ZNF536: variants seen among roughly 807,000 people sequenced by gnomAD.
The protein encoded by ZNF536 is zinc finger protein 536.
A neutral mutation model predicts 84.5 loss-of-function variants in ZNF536; 13 were observed. The ratio of observed to expected loss-of-function variants is 0.15; its 90% confidence interval spans 0.10 to 0.24. The LOEUF (loss-of-function observed/expected upper bound fraction) is 0.24, where lower values mean the gene tolerates loss of function less well. Among genes scored for constraint, ZNF536 ranks in the 10% least tolerant of loss-of-function variants. The probability of loss-of-function intolerance (pLI) is 1.00; values close to 1 mark genes in which losing one functional copy is unlikely to be tolerated. For missense variants in ZNF536, 1,536 were observed against 1,747.5 expected (o/e 0.88, Z 2.16); for synonymous variants, 811 against 742.5 (o/e 1.09, Z -1.50).
upstream of ZNF536, among the ~76,000 whole-genome samples, chr19:30,225,747 G>T (rs2022579383): frequency 7.0e-6 from 1 of 143,016 alleles, no homozygotes; most frequent in Non-Finnish European, 1.6e-5. Flanking sequence ...GGGCGGCGGC[G>T]GGTGGGGGGG....
intron 2 of ZNF536, among the ~76,000 whole-genome samples, chr19:30,308,752 C>G (rs1163131322): frequency 6.6e-6 from 1 of 152,130 alleles, no homozygotes; most frequent in East Asian, 1.9e-4. Flanking sequence ...ACTCTGTGGT[C>G]GCACAGAGCT....
At chr19:30,358,476 C>T (rs2048167938) in intron 3 of ZNF536, among the ~76,000 whole-genome samples, 1 of 152,236 alleles carries the variant, frequency 6.6e-6, no homozygotes, top group Admixed American at 6.5e-5. Context: ...CTCAGTAGCT[C>T]TCACAGCCCC....
intron 1 of ZNF536, among the ~76,000 whole-genome samples, chr19:30,660,060 G>A (rs1008238224): frequency 6.6e-6 from 1 of 152,128 alleles, no homozygotes; most frequent in Non-Finnish European, 1.5e-5. Flanking sequence ...AAAAGCCACA[G>A]ATAACTTGTC....
rs1265217907 is a variant in ZNF536 at position 30,503,158 on chromosome 19, T to TGCAC, written c.2171-31688_2171-31685dup. Reference sequence around the variant, plus strand: ...AATATTTCTAAGCAGCATGTGTGTATGCACACACACACACACACACACACA... The same window carrying TGCAC: ...AATATTTCTAAGCAGCATGTGTGTATGCACGCACACACACACACACACACACACA... On this transcript the variant is annotated intron_variant, in intron 2 of 4. Transcript: ENST00000355537. Among the ~76,000 whole-genome samples, 5 of 145,260 alleles carry TGCAC rather than the reference T, an allele frequency of 3.4e-5. No individual in the cohort carries two copies. In the East Asian group the frequency reaches 9.7e-4, roughly 28 times the overall value.
intron 2 of ZNF536, among the ~76,000 whole-genome samples, chr19:30,297,804 G>A (rs375685338): frequency 3.6e-4 from 54 of 151,990 alleles, no homozygotes; most frequent in African/African-American, 1.1e-3. Context: ...GAGCTTGGGC[G>A]CCAGGCAGCA....
At chr19:30,322,863 A>T (rs953674147) in intron 2 of ZNF536, among the ~76,000 whole-genome samples, 3 of 151,894 alleles carry the variant, frequency 2.0e-5, no homozygotes, top group African/African-American at 4.8e-5. Context: ...TTCCCACCTC[A>T]TGTGACTTCC....
intron 1 of ZNF536, among the ~76,000 whole-genome samples, chr19:30,380,812 C>T (rs1862626607): frequency 6.6e-6 from 1 of 151,962 alleles, no homozygotes; most frequent in South Asian, 2.1e-4. Context: ...CCCAGGTGCC[C>T]GATGCGTGTT....
At chr19:30,441,195 T>C (rs2052031166) in intron 1 of ZNF536, among the ~76,000 whole-genome samples, 1 of 152,216 alleles carries the variant, frequency 6.6e-6, no homozygotes, top group Non-Finnish European at 1.5e-5. Flanking sequence ...TGGATTCATG[T>C]CTTCTGAGCT....
chr19:30,670,703 C>G (rs1297531801), intron 1 of ZNF536, among the ~76,000 whole-genome samples: 1 of 152,224 alleles, frequency 6.6e-6, no homozygotes, highest in African/African-American at 2.4e-5. Context: ...CCTTCCTTCC[C>G]CAGAGACGCC....
At chr19:30,529,635 A>C (rs1249926088) in intron 2 of ZNF536, among the ~76,000 whole-genome samples, 1 of 152,164 alleles carries the variant, frequency 6.6e-6, no homozygotes. Context: ...AACATTGCTG[A>C]CCTTGAGAAG....
At chr19:30,479,309 G>A (rs780437878) in intron 2 of ZNF536, among the ~76,000 whole-genome samples, 2 of 152,144 alleles carry the variant, frequency 1.3e-5, no homozygotes, top group Non-Finnish European at 2.9e-5. Flanking sequence ...AGAGCACCAT[G>A]AGAATGGAGC....
chr19:30,512,061 T>C (rs1338276728), intron 2 of ZNF536, among the ~76,000 whole-genome samples: 1 of 152,222 alleles, frequency 6.6e-6, no homozygotes, highest in Admixed American at 6.5e-5. Context: ...AAAGCTTTTA[T>C]GGATATACAG....
At chr19:30,370,379 A>G (rs1183584608), upstream of ZNF536, among the ~76,000 whole-genome samples, 3 of 152,068 alleles carry the variant, frequency 2.0e-5, no homozygotes, top group Non-Finnish European at 2.9e-5. Context: ...TTGAACTAAA[A>G]CCCCAGGGTG....
intron 1 of ZNF536, among the ~76,000 whole-genome samples, chr19:30,673,488 G>T (rs371436170): frequency 1.3e-5 from 2 of 152,078 alleles, no homozygotes; most frequent in East Asian, 3.9e-4. Context: ...TTTTGTAGAC[G>T]GGTCTCCCGC....
At chr19:30,551,901 C>A (rs2045798454) in intron 4 of ZNF536, among the ~76,000 whole-genome samples, 1 of 152,194 alleles carries the variant, frequency 6.6e-6, no homozygotes, top group African/African-American at 2.4e-5. Context: ...CCCACTCCCC[C>A]CATATCTGGC....
chr19:30,417,349 C>G (rs372568327), intron 1 of ZNF536, among the ~76,000 whole-genome samples: 7 of 151,712 alleles, frequency 4.6e-5, no homozygotes, highest in African/African-American at 1.7e-4. Flanking sequence ...CCTGGCATGC[C>G]GATGACCTGC....
chr19:30,245,308 T>G (rs968211664), intron 1 of ZNF536, among the ~76,000 whole-genome samples: 1 of 152,174 alleles, frequency 6.6e-6, no homozygotes, highest in Admixed American at 6.5e-5. Flanking sequence ...AGTGCTTATC[T>G]TCATTGACTT....
intron 2 of ZNF536, among the ~76,000 whole-genome samples, chr19:30,516,269 T>C (rs1479178536): frequency 6.6e-6 from 1 of 152,120 alleles, no homozygotes; most frequent in African/African-American, 2.4e-5. Flanking sequence ...AGGTGCCTCC[T>C]TTGCCGTCCT....
chr19:30,544,331 T>C (rs1197960729), intron 3 of ZNF536, among the ~76,000 whole-genome samples: 1 of 152,128 alleles, frequency 6.6e-6, no homozygotes, highest in Non-Finnish European at 1.5e-5. Context: ...GCACGTGCAT[T>C]CAGAAAACCC....
Sources: allele counts gnomAD v4.1 joint callset (sites outside exome capture counted in the v4.1 genomes callset), GRCh38; gene constraint gnomAD v4.1.1; transcripts MANE v1.5; gene names NCBI Gene and HGNC (gene_info 2026-07-23, HGNC 2026-07-21).